MEF2A: variants seen among roughly 807,000 people sequenced by gnomAD.
MEF2A encodes myocyte enhancer factor 2A, also known as myocyte-specific enhancer factor 2A.
Under a neutral mutation model 55.8 loss-of-function variants are expected in MEF2A, and 28 were observed. The ratio of observed to expected loss-of-function variants is 0.50; its 90% CI spans 0.37 to 0.69. MEF2A has a LOEUF of 0.69. Ranked by LOEUF, MEF2A falls within the 30% of genes least tolerant of loss-of-function variation. The probability of loss-of-function intolerance (pLI) is 0.00; values close to 1 mark genes in which losing one functional copy is unlikely to be tolerated. For synonymous variants in MEF2A, 239 were observed against 227.1 expected (o/e 1.05, Z -0.47); for missense variants, 528 against 626.2 (o/e 0.84, Z 1.67).
chr15:99,566,258 C>A (rs559100824), intron 1 of MEF2A, among the ~76,000 whole-genome samples, 154 bp downstream of exon 1: 1 of 147,412 alleles, frequency 6.8e-6, no homozygotes, highest in Non-Finnish European at 1.5e-5. Flanking sequence ...TCCGGGGACC[C>A]CTGGACGAGG....
intron 1 of MEF2A, among the ~76,000 whole-genome samples, chr15:99,580,599 G>C (rs1394900872): frequency 6.6e-6 from 1 of 152,158 alleles, no homozygotes; most frequent in Admixed American, 6.5e-5. Context: ...CTGGGTTATT[G>C]CAAGTCTTAC....
intron 2 of MEF2A, among the ~76,000 whole-genome samples, chr15:99,606,485 A>C (rs1975165374): frequency 6.6e-6 from 1 of 152,202 alleles, no homozygotes; most frequent in South Asian, 2.1e-4. Context: ...AGTACCTTTA[A>C]CAGACAAAAG....
chr15:99,662,315 A>ACAC (rs559878375), intron 4 of MEF2A, among the ~76,000 whole-genome samples: 107 of 152,224 alleles, frequency 7.0e-4, no homozygotes, highest in African/African-American at 2.5e-3. Context: ...CAATTTTTAA[A>ACAC]AATTGTTTTT....
chr15:99,567,645 G>A (rs1246604860), intron 1 of MEF2A, among the ~76,000 whole-genome samples: 2 of 151,726 alleles, frequency 1.3e-5, no homozygotes, highest in Non-Finnish European at 2.9e-5. Context: ...GTGTGTGTGT[G>A]TGTGTGTGTG....
At chr15:99,689,902 A>G (rs1020852563) in intron 7 of MEF2A, among the ~76,000 whole-genome samples, 7 of 152,328 alleles carry the variant, frequency 4.6e-5, no homozygotes, top group Middle Eastern at 3.4e-3. Context: ...CTTATTTTTA[A>G]GATATCCCAA....
intron 1 of MEF2A, among the ~76,000 whole-genome samples, chr15:99,592,604 T>C (rs1157815980): frequency 6.6e-6 from 1 of 152,162 alleles, no homozygotes; most frequent in Non-Finnish European, 1.5e-5. Flanking sequence ...TGGCATCTGC[T>C]TCCAGATGAG....
chr15:99,656,721 T>C (rs2047782253), intron 4 of MEF2A, among the ~76,000 whole-genome samples: 1 of 152,158 alleles, frequency 6.6e-6, no homozygotes, highest in African/African-American at 2.4e-5. Flanking sequence ...AACTATCATG[T>C]GAAATTGAAT....
intron 2 of MEF2A, among the ~76,000 whole-genome samples, chr15:99,613,627 T>G (rs1279947849): frequency 1.3e-5 from 2 of 152,180 alleles, no homozygotes; most frequent in Non-Finnish European, 2.9e-5. Context: ...TGCTTGCAAC[T>G]ACAGTATATC....
At position 99,710,625 on chromosome 15, in the gene MEF2A, C is replaced by T; in HGVS notation, c.1010-9C>T. ...ATCATATGCAGAGCCCTCTTGTCTTCCTTTGTAGATTATTCACTGACCAGC... is the reference window on the plus strand; with the variant it reads ...ATCATATGCAGAGCCCTCTTGTCTTTCTTTGTAGATTATTCACTGACCAGC... On this transcript the variant is annotated splice_polypyrimidine_tract_variant and intron_variant, in intron 10 of 11. Coordinates refer to ENST00000557942, the MANE Select transcript of MEF2A (RefSeq NM_001319206.4). 1 of 1,606,796 alleles carries T rather than the reference C, an allele frequency of 6.2e-7. No homozygotes were observed.
At chr15:99,661,344 A>G (rs894629681) in intron 4 of MEF2A, among the ~76,000 whole-genome samples, 5 of 151,958 alleles carry the variant, frequency 3.3e-5, no homozygotes, top group Admixed American at 6.6e-5. Context: ...TCACTATCAT[A>G]TGGATAACTG....
Position 99,706,801 on chromosome 15 carries a change from A to G in MEF2A, c.955A>G (p.Ser319Gly). Residue 319 changes from serine (S) to glycine (G), a missense_variant, in exon 10 of 12, where the codon AGC (serine) becomes GGC (glycine). By Grantham distance (56) the Ser-to-Gly change is moderately conservative (BLOSUM62 0). Coordinates refer to ENST00000557942, the MANE Select transcript of MEF2A (RefSeq NM_001319206.4). Reference protein sequence around the residue: ...ATPVVSVTTPSLPPQGLVYSA... With the variant: ...ATPVVSVTTPGLPPQGLVYSA... ...CCCAGTCGTGTCTGTGACAACCCCA[A>G]GCTTGCCTCCGCAAGGACTTGTGTA... The G allele has an allele frequency of 1.9e-6, 3 of 1,614,002 alleles. No homozygotes were observed. The highest frequency in any genetic ancestry group is 2.5e-6 in the Non-Finnish European group (3 of 1,179,886).
At position 99,712,188 on chromosome 15, in the gene MEF2A, G is replaced by A. The variant is rs1271166038; in HGVS notation, c.1137-202G>A. 7.2e-5 allele frequency among the ~76,000 whole-genome samples: 11 copies of A among 152,148 alleles called. No homozygotes were observed. The highest frequency in any genetic ancestry group is 2.0e-4 in the Admixed American group (3 of 15,274). On this transcript the variant is annotated intron_variant, in intron 11 of 11. Coordinates refer to ENST00000557942, the MANE Select transcript of MEF2A (RefSeq NM_001319206.4). This position sits in a 1 kb window ranked among gnomAD's most constrained non-coding sequence, Gnocchi z 4.1. ...GAACCAAGTAACGTAAGGGCTCAAC[G>A]GTACTGTTTTCTTTCCTCCTAGGAA... is the stretch of plus-strand genomic sequence containing the variant.
chr15:99,583,823 A>C (rs1488086829), intron 1 of MEF2A, among the ~76,000 whole-genome samples: 1 of 152,124 alleles, frequency 6.6e-6, no homozygotes, highest in Admixed American at 6.6e-5. Context: ...CTTATTTGGG[A>C]AAATACAATA....
At chr15:99,683,413 T>TG (rs1491017803) in intron 7 of MEF2A, among the ~76,000 whole-genome samples, 1 of 152,162 alleles carries the variant, frequency 6.6e-6, no homozygotes, top group Non-Finnish European at 1.5e-5. Context: ...TCAGAAATTC[T>TG]TTTGTTTGTT....
chr15:99,697,487 TAAAG>T lies in MEF2A; in HGVS notation c.859-5874_859-5871del, dbSNP rs146355520. ...AAAAAAAAAATGATAACACCCCAAA[TAAAG>T]GAAGGAAAAGAAACATCTAGGTAAA... On this transcript the variant is annotated intron_variant, in intron 8 of 11. Transcript: ENST00000557942. Among the ~76,000 whole-genome samples the T allele has an allele frequency of 8.7e-3, 1,311 of 150,974 alleles. 18 individuals are homozygous for T. The highest frequency in any genetic ancestry group is 0.029 in the African/African-American group (1,176 of 41,252).
intron 3 of MEF2A, among the ~76,000 whole-genome samples, chr15:99,639,172 T>C (rs1025409719): frequency 6.6e-6 from 1 of 152,164 alleles, no homozygotes; most frequent in African/African-American, 2.4e-5. Flanking sequence ...CTGACACATT[T>C]GTTATATGTA....
intron 4 of MEF2A, among the ~76,000 whole-genome samples, chr15:99,651,754 G>C (rs928485757): frequency 1.3e-5 from 2 of 152,038 alleles, no homozygotes; most frequent in African/African-American, 2.4e-5. Context: ...TACAATTATT[G>C]GTTTTCATTT....
At chr15:99,687,451 A>G (rs1171206916) in intron 7 of MEF2A, among the ~76,000 whole-genome samples, 1 of 152,152 alleles carries the variant, frequency 6.6e-6, no homozygotes, top group African/African-American at 2.4e-5. Flanking sequence ...ACTAGAATGA[A>G]AGGAGCAGAA....
chr15:99,654,240 A>G (rs868807506), intron 4 of MEF2A, among the ~76,000 whole-genome samples: 4 of 152,128 alleles, frequency 2.6e-5, no homozygotes, highest in Non-Finnish European at 2.9e-5. Flanking sequence ...CCTACTTAAT[A>G]TGTCACTTAT....
Sources: allele counts gnomAD v4.1 joint callset (sites outside exome capture counted in the v4.1 genomes callset), GRCh38; gene constraint gnomAD v4.1.1; non-coding constraint Gnocchi (gnomAD v3.1); transcripts MANE v1.5; gene names NCBI Gene and HGNC (gene_info 2026-07-23, HGNC 2026-07-21).